The following DMXL1 variants were observed in gnomAD, a reference collection of about 807,000 sequenced individuals.
The protein encoded by DMXL1 is Dmx like 1, also known as dmX-like protein 1.
In DMXL1, 99 loss-of-function variants were observed where a neutral mutation model predicts 319.2. The observed-to-expected ratio is 0.31, with a 90% confidence interval of 0.26 to 0.37. DMXL1 has a LOEUF of 0.37. Among genes scored for constraint, DMXL1 ranks in the 10% least tolerant of loss-of-function variants. The pLI is 1.00. For synonymous variants in DMXL1, 1,385 were observed against 1,235.2 expected (o/e 1.12, Z -2.54); for missense variants, 3,745 against 3,595.6 (o/e 1.04, Z -1.06).
intron 1 of DMXL1, among the ~76,000 whole-genome samples, chr5:119,088,802 T>C (rs957000204): frequency 7.9e-5 from 12 of 152,132 alleles, no homozygotes; most frequent in African/African-American, 2.9e-4. Flanking sequence ...CTTTCAGTTG[T>C]CTTAATTTGC....
intron 28 of DMXL1, among the ~76,000 whole-genome samples, chr5:119,185,646 G>A (rs1191075734): frequency 2.0e-5 from 3 of 152,010 alleles, no homozygotes; most frequent in Non-Finnish European, 4.4e-5. Context: ...GGGACTACAG[G>A]TGCACACCAC....
At chr5:119,089,396 C>G (rs568318451) in intron 1 of DMXL1, among the ~76,000 whole-genome samples, 1 of 142,952 alleles carries the variant, frequency 7.0e-6, no homozygotes, top group African/African-American at 2.6e-5. Flanking sequence ...ACCTCTGCCT[C>G]CTGGGTTCAA....
chr5:119,087,128 G>A (rs1753552129), intron 1 of DMXL1, among the ~76,000 whole-genome samples: 1 of 150,722 alleles, frequency 6.6e-6, no homozygotes, highest in African/African-American at 2.5e-5. Flanking sequence ...TCATTAAAAA[G>A]TTTCATTTCA....
chr5:119,235,032 C>T (rs1289728405), intron 39 of DMXL1, among the ~76,000 whole-genome samples: 2 of 152,164 alleles, frequency 1.3e-5, no homozygotes. Context: ...ACTATTCATT[C>T]ACCTTAGCCT....
At chr5:119,162,302 A>G (rs1772443887) in intron 19 of DMXL1, among the ~76,000 whole-genome samples, 1 of 152,176 alleles carries the variant, frequency 6.6e-6, no homozygotes, top group African/African-American at 2.4e-5. Context: ...GCTAGTTGCT[A>G]CTTAAACTCT....
At chr5:119,197,366 T>C (rs1779823766) in intron 31 of DMXL1, among the ~76,000 whole-genome samples, 1 of 152,154 alleles carries the variant, frequency 6.6e-6, no homozygotes, top group Admixed American at 6.5e-5. Flanking sequence ...TTTAAGAAAG[T>C]TTATGAATTT....
intron 2 of DMXL1, among the ~76,000 whole-genome samples, chr5:119,098,785 AG>A (rs921906632): frequency 1.6e-4 from 25 of 152,336 alleles, no homozygotes; most frequent in African/African-American, 6.0e-4. Context: ...ATATAGGCAT[AG>A]GTGGTAAGGC....
At chr5:119,123,451 A>G in intron 9 of DMXL1, among the ~76,000 whole-genome samples, 2 of 120,402 alleles carry the variant, frequency 1.7e-5, no homozygotes, top group African/African-American at 3.4e-5. Context: ...GAGAGGAGGG[A>G]GAGGAGGAGA....
intron 34 of DMXL1, among the ~76,000 whole-genome samples, chr5:119,210,757 G>GTTTTTTTTTTTTTTTTTTTTCTT: frequency 5.6e-5 from 5 of 89,776 alleles, no homozygotes; most frequent in African/African-American, 1.2e-4. Context: ...TTTTTCTTTC[G>GTTTTTTTTTTTTTTTTTTTTCTT]TTTTTTTTTT....
At chr5:119,120,652 T>C (rs1761844030) in intron 8 of DMXL1, among the ~76,000 whole-genome samples, 1 of 152,140 alleles carries the variant, frequency 6.6e-6, no homozygotes, top group Non-Finnish European at 1.5e-5. Context: ...ACAATAGTAT[T>C]GGGAAAAAAA....
At chr5:119,097,278 A>G (rs553078308) in intron 1 of DMXL1, among the ~76,000 whole-genome samples, 32 of 152,332 alleles carry the variant, frequency 2.1e-4, no homozygotes, top group African/African-American at 7.7e-4. Flanking sequence ...AAGCAGGGAA[A>G]ATAACTTGGT....
intron 43 of DMXL1, 82 bp downstream of exon 43, chr5:119,244,658 C>A: frequency 1.1e-6 from 1 of 932,858 alleles, no homozygotes. Flanking sequence ...TGACATCAAT[C>A]TATTTAAATA....
At chr5:119,218,128 A>G (rs1282531415) in intron 35 of DMXL1, among the ~76,000 whole-genome samples, 1 of 152,016 alleles carries the variant, frequency 6.6e-6, no homozygotes, top group Non-Finnish European at 1.5e-5. Context: ...TGTCATCCCA[A>G]CACTTTGGGA....
chr5:119,073,909 A>G (rs1196413115), intron 1 of DMXL1, among the ~76,000 whole-genome samples: 3 of 149,766 alleles, frequency 2.0e-5, no homozygotes, highest in Non-Finnish European at 3.0e-5. Flanking sequence ...TTACTTCTTG[A>G]GTTGTTTTGT....
Position 119,196,445 on chromosome 5 carries a change from A to G in DMXL1, c.7532A>G (p.His2511Arg), listed in dbSNP as rs750535176. ...NLKTFYPFAG[H>R]DLAELPVSSP... is the part of the protein sequence containing the mutation. ...AAGACTTTTTATCCCTTCGCAGGTC[A>G]TGATCTTGCAGGTAATAAATAGCTC... Residue 2511 changes from histidine (H) to arginine (R), a missense_variant, in exon 31 of 44, where the codon CAT (histidine) becomes CGT (arginine). By Grantham distance (29) the His-to-Arg change is conservative. Around this residue, in one of 4 missense-constraint regions of DMXL1, gnomAD observed 1,382 missense variants for 1,269.5 expected, o/e 1.09. Transcript: ENST00000539542. The G allele has an allele frequency of 1.8e-5, 29 of 1,610,664 alleles. No homozygotes were observed. Among genetic ancestry groups the G allele is most frequent in the Non-Finnish European group, 2.3e-5 (27 of 1,178,538 alleles).
intron 38 of DMXL1, among the ~76,000 whole-genome samples, chr5:119,230,460 A>G (rs1786467998): frequency 6.6e-6 from 1 of 152,246 alleles, no homozygotes; most frequent in Non-Finnish European, 1.5e-5. Context: ...CTGGTGATAG[A>G]AAAATATTAC....
intron 25 of DMXL1, among the ~76,000 whole-genome samples, chr5:119,172,238 G>A (rs904487740): frequency 6.6e-6 from 1 of 152,026 alleles, no homozygotes; most frequent in African/African-American, 2.4e-5. Context: ...AAATAGGTAC[G>A]TATGAGTCCT....
At chr5:119,113,809 G>C (rs1381188112) in intron 5 of DMXL1, among the ~76,000 whole-genome samples, 1 of 152,182 alleles carries the variant, frequency 6.6e-6, no homozygotes, top group Non-Finnish European at 1.5e-5. Context: ...TATCTGAAAT[G>C]AAATGTGACA....
chr5:119,220,460 C>T lies in DMXL1; in HGVS notation c.8014-12C>T. The T allele has an allele frequency of 1.9e-6, 3 of 1,610,824 alleles. No individual in the cohort carries two copies. The South Asian group carries it at 3.3e-5, about 18-fold the overall frequency. On this transcript the variant is annotated splice_polypyrimidine_tract_variant and intron_variant, in intron 35 of 43. Transcript: ENST00000539542. ...TATTGCTTTTAAAATTACCATTTGACTTATTTTTCAGGCAAATAGAAACTG... is the reference window on the plus strand; with the variant it reads ...TATTGCTTTTAAAATTACCATTTGATTTATTTTTCAGGCAAATAGAAACTG...
Sources: gnomAD v4.1 joint callset for allele counts (sites outside exome capture counted in the v4.1 genomes callset) on GRCh38, gnomAD v4.1.1 for gene constraint, gnomAD v4.1.1 regional missense constraint, MANE v1.5 for transcripts, NCBI Gene and HGNC (gene_info 2026-07-23, HGNC 2026-07-21) for gene names.